Variants in CLIC4 observed in about 807,000 individuals in gnomAD.
CLIC4 encodes chloride intracellular channel protein 4.
In CLIC4, 13 loss-of-function variants were observed where a neutral mutation model predicts 24.6. That is an observed-to-expected ratio of 0.53 (90% confidence interval 0.34 to 0.84). The LOEUF is 0.84. CLIC4 is among the 40% of genes least tolerant of loss of function. CLIC4 has a pLI of 0.01. For synonymous variants in CLIC4, 104 were observed against 111.3 expected, an observed-to-expected ratio of 0.93 and a Z score of 0.41; for missense variants, 227 against 301.7, an observed-to-expected ratio of 0.75 and a Z score of 1.83.
chr1:24,818,096 A>T (rs1371270329), intron 3 of CLIC4, among the ~76,000 whole-genome samples: 1 of 152,176 alleles, frequency 6.6e-6, no homozygotes, highest in Non-Finnish European at 1.5e-5. Flanking sequence ...GAAAAATACC[A>T]CAGTGTGACA....
Position 24,797,729 on chromosome 1 carries a change from T to G in CLIC4, c.73-13T>G. ...CTTTGACCTTGTTTTTAATGTTTAA[T>G]TCTGTTTTCCAGGCTGGCAGTGATG... On this transcript the variant is annotated splice_polypyrimidine_tract_variant and intron_variant, in intron 1 of 5. Coordinates refer to ENST00000374379, the MANE Select transcript of CLIC4 (RefSeq NM_013943.3). 2 of 1,581,946 alleles carry G rather than the reference T, an allele frequency of 1.3e-6. No homozygotes were observed. The highest frequency in any genetic ancestry group is 1.7e-6 in the Non-Finnish European group (2 of 1,161,880).
chr1:24,797,752 A>T lies in CLIC4; in HGVS notation c.83A>T (p.Asp28Val), dbSNP rs1310322401. The change falls in exon 2 of 6, where the codon GAT (aspartate) becomes GTT (valine). Residue 28 changes from aspartate to valine, a missense_variant. Physicochemically the swap from Asp to Val is radical, Grantham distance 152. Coordinates refer to ENST00000374379, the MANE Select transcript of CLIC4 (RefSeq NM_013943.3). The stretch of plus-strand genomic sequence containing the variant: ...AATTCTGTTTTCCAGGCTGGCAGTG[A>T]TGGTGAAAGCATAGGAAACTGCCCC... The part of the protein sequence containing the change: ...LIELFVKAGS[D>V]GESIGNCPFS... The T allele has an allele frequency of 6.2e-7, 1 of 1,609,252 alleles. No homozygotes were observed. The highest frequency in any genetic ancestry group is 1.3e-5 in the African/African-American group (1 of 74,576).
chr1:24,805,969 C>T (rs143037591), intron 2 of CLIC4, among the ~76,000 whole-genome samples: 15 of 152,188 alleles, frequency 9.9e-5, no homozygotes, highest in African/African-American at 3.6e-4. Flanking sequence ...GAAAGACTAC[C>T]ATGATACATG....
chr1:24,822,437 T>C (rs1490141697), intron 3 of CLIC4, among the ~76,000 whole-genome samples: 1 of 145,706 alleles, frequency 6.9e-6, no homozygotes, highest in Non-Finnish European at 1.5e-5. Flanking sequence ...CAACCTCCAC[T>C]TGCCAGGTTG....
intron 1 of CLIC4, among the ~76,000 whole-genome samples, chr1:24,775,235 T>C (rs1031149694): frequency 1.3e-5 from 2 of 148,378 alleles, no homozygotes; most frequent in African/African-American, 4.9e-5. Context: ...TTTTTTTTTT[T>C]TTTTTTTTTG....
rs544413791 is a variant in CLIC4 at position 24,748,506 on chromosome 1, T to G, written c.72+2881T>G. ...ATACAGATCAGGTTTTTTGTTTTTT[T>G]TTTTTTTTTTTTTTTTAATGAGATG... On this transcript the variant is annotated intron_variant, in intron 1 of 5. Transcript: ENST00000374379. Among the ~76,000 whole-genome samples the G allele has an allele frequency of 3.9e-3, 550 of 141,414 alleles. 4 individuals are homozygous for G. Among genetic ancestry groups the G allele is most frequent in the African/African-American group, 0.013 (515 of 38,326 alleles). 92.8% of individuals were successfully genotyped at this position (141,414 alleles called of 152,430 possible). A position where few individuals can be genotyped will look rare whatever the true frequency, so the allele number is the denominator to read the frequency against.
intron 1 of CLIC4, among the ~76,000 whole-genome samples, chr1:24,779,989 A>T (rs1296576713): frequency 2.6e-5 from 4 of 152,002 alleles, no homozygotes; most frequent in Non-Finnish European, 5.9e-5. Flanking sequence ...CACCCATCAA[A>T]ACCCTTCAGT....
At chr1:24,818,504 C>G (rs1639694117) in intron 3 of CLIC4, among the ~76,000 whole-genome samples, 1 of 152,068 alleles carries the variant, frequency 6.6e-6, no homozygotes. Context: ...CCAGGCTTGT[C>G]TCGAAATCCT....
At chr1:24,785,997 T>C (rs112120856) in intron 1 of CLIC4, among the ~76,000 whole-genome samples, 3,080 of 152,288 alleles carry the variant, frequency 0.02, 97 homozygotes, top group African/African-American at 0.071. Context: ...TTGTGTATTT[T>C]GACAGCTAAT....
chr1:24,795,643 T>G (rs1639389563), intron 1 of CLIC4, among the ~76,000 whole-genome samples: 3 of 152,208 alleles, frequency 2.0e-5, no homozygotes, highest in African/African-American at 7.2e-5. Flanking sequence ...CGATCTCGGC[T>G]CACCGCAACC....
chr1:24,828,672 G>A (rs1639811019), intron 4 of CLIC4, among the ~76,000 whole-genome samples: 1 of 148,164 alleles, frequency 6.7e-6, no homozygotes, highest in Non-Finnish European at 1.5e-5. Context: ...CTTCCCCTTT[G>A]AGGGATGAGG....
chr1:24,778,268 T>G (rs558192251), intron 1 of CLIC4, among the ~76,000 whole-genome samples: 58 of 152,330 alleles, frequency 3.8e-4, no homozygotes, highest in Admixed American at 2.7e-3. Context: ...TTATTGAGCT[T>G]CTCTGAACCT....
At chr1:24,757,743 T>C (rs1638869811) in intron 1 of CLIC4, among the ~76,000 whole-genome samples, 1 of 152,160 alleles carries the variant, frequency 6.6e-6, no homozygotes, top group South Asian at 2.1e-4. Flanking sequence ...AATGAATTTT[T>C]TTCTTTTTCT....
chr1:24,770,861 T>G (rs942230448), intron 1 of CLIC4, among the ~76,000 whole-genome samples: 21 of 152,198 alleles, frequency 1.4e-4, no homozygotes, highest in Non-Finnish European at 2.9e-4. Flanking sequence ...TTTATTCCAT[T>G]TTTAACCATT....
intron 2 of CLIC4, among the ~76,000 whole-genome samples, chr1:24,804,289 C>G (rs1639521831): frequency 6.6e-6 from 1 of 151,388 alleles, no homozygotes; most frequent in Non-Finnish European, 1.5e-5. Flanking sequence ...CTTGTTAGAA[C>G]AGTCCAATTC....
intron 1 of CLIC4, among the ~76,000 whole-genome samples, chr1:24,796,296 C>G (rs1274064311): frequency 6.6e-6 from 1 of 152,192 alleles, no homozygotes; most frequent in East Asian, 1.9e-4. Flanking sequence ...TCAAGCGATT[C>G]TCCTGCCTCA....
intron 1 of CLIC4, among the ~76,000 whole-genome samples, chr1:24,781,707 G>T (rs1335668187): frequency 6.7e-6 from 1 of 149,344 alleles, no homozygotes; most frequent in Non-Finnish European, 1.5e-5. Context: ...TCGCACTGTT[G>T]CACAGGCTGG....
chr1:24,784,211 A>T (rs950959798), intron 1 of CLIC4, among the ~76,000 whole-genome samples: 2 of 152,194 alleles, frequency 1.3e-5, no homozygotes, highest in African/African-American at 4.8e-5. Flanking sequence ...TACACAACAA[A>T]CAACTCCCCT....
At chr1:24,811,051 C>G (rs926628126) in intron 2 of CLIC4, among the ~76,000 whole-genome samples, 1 of 149,100 alleles carries the variant, frequency 6.7e-6, no homozygotes, top group Non-Finnish European at 1.5e-5. Context: ...TGCACTTCAG[C>G]CTGGGCGACA....
Sources: allele counts gnomAD v4.1 joint callset (sites outside exome capture counted in the v4.1 genomes callset), GRCh38; gene constraint gnomAD v4.1.1; transcripts MANE v1.5; gene names NCBI Gene and HGNC (gene_info 2026-07-23, HGNC 2026-07-21).